AK2: variants seen among roughly 807,000 people sequenced by gnomAD.
AK2 encodes the protein adenylate kinase 2, mitochondrial.
AK2 carries 15 observed loss-of-function variants against 24.6 expected under a neutral mutation model. The ratio of observed to expected loss-of-function variants is 0.61; its 90% CI spans 0.41 to 0.94. The LOEUF (loss-of-function observed/expected upper bound fraction) is 0.94, where lower values mean the gene tolerates loss of function less well. Ranked by LOEUF, AK2 falls within the 40% of genes least tolerant of loss-of-function variation. AK2 has a pLI of 0.00. For missense variants in AK2, 257 were observed against 304.1 expected (o/e 0.85, Z 1.15); for synonymous variants, 102 against 114.0 (o/e 0.90, Z 0.67).
Position 33,013,394 on chromosome 1 carries a change from C to A in AK2, c.507G>T (p.Gly169=), listed in dbSNP as rs765421792. 9.3e-6 allele frequency: 15 copies of A among 1,613,620 alleles called. No individual in the cohort carries two copies. The highest frequency in any genetic ancestry group is 1.2e-5 in the Non-Finnish European group (14 of 1,179,848). The change falls in exon 6 of 6, where the codon GGG becomes GGT. Residue 169 remains glycine (G), a synonymous_variant. Transcript: ENST00000672715. ...CATCTGATCGACGGATCAAGGGTTC[C>A]CCGGTGATCTGAGAACAGGAAGACA... ...PKEPMKDDIT[G]EPLIRRSDDN...
chr1:33,012,237 G>A lies in AK2; in HGVS notation c.*944C>T, dbSNP rs1638867256. 3.3e-6 allele frequency: 5 copies of A among 1,534,504 alleles called. No homozygotes were observed. The highest frequency in any genetic ancestry group is 1.7e-4 in the Middle Eastern group (1 of 5,974). On this transcript the variant is annotated 3_prime_UTR_variant, in exon 6 of 6. Transcript: ENST00000672715. Reference sequence around the variant, plus strand: ...AAATAATTGCTATTTTCAGCATCATGATGCAGATCACAAAAATATTCCAAT... The same window carrying A: ...AAATAATTGCTATTTTCAGCATCATAATGCAGATCACAAAAATATTCCAAT...
intron 4 of AK2, chr1:33,019,884 C>T: frequency 7.5e-7 from 1 of 1,338,620 alleles, no homozygotes; most frequent in Non-Finnish European, 9.6e-7. Context: ...TATTACACAG[C>T]AATTAAAAGT....
intron 1 of AK2, chr1:33,029,225 T>A (rs1454332861): frequency 6.6e-6 from 1 of 152,124 alleles, no homozygotes; most frequent in Non-Finnish European, 1.5e-5. Flanking sequence ...TCTTCTTATG[T>A]TTTTTTAGAA....
intron 4 of AK2, chr1:33,019,544 T>G (rs113423721): frequency 2.2e-6 from 2 of 898,566 alleles, no homozygotes; most frequent in Non-Finnish European, 2.7e-6. Context: ...GCCGGAGACA[T>G]GTAACCTGGA....
intron 1 of AK2, among the ~76,000 whole-genome samples, chr1:33,030,462 G>A (rs1035436122): frequency 6.6e-6 from 1 of 152,098 alleles, no homozygotes; most frequent in Non-Finnish European, 1.5e-5. Flanking sequence ...GCTGAGGTGG[G>A]AGGACCATTT....
In AK2 at chr1:33,009,534, C is replaced by G; in HGVS notation, c.*3647G>C. 1 of 454,102 alleles carries G rather than the reference C, an allele frequency of 2.2e-6. No individual in the cohort carries two copies. Among genetic ancestry groups the G allele is most frequent in the Non-Finnish European group, 4.4e-6 (1 of 226,778 alleles). The allele number at this position is 454,102 out of a possible 1,614,324, so 28.1% of individuals were successfully genotyped here. On this transcript the variant is annotated 3_prime_UTR_variant, in exon 6 of 6. Transcript: ENST00000672715. ...ACATTTATCCAATGTCTGTTGCATG[C>G]CAGGTACTGAGCAAAAACCTTCTTC...
Position 33,012,134 on chromosome 1 carries a change from G to A in AK2, c.*1047C>T. The A allele has an allele frequency of 1.3e-6, 2 of 1,535,470 alleles. No individual in the cohort carries two copies. Among genetic ancestry groups the A allele is most frequent in the Non-Finnish European group, 1.7e-6 (2 of 1,146,734 alleles). ...CTCAGATGATCAGCCTGGATGTTCA[G>A]AAGACAATCTGAATTCAAAAGGACC... On this transcript the variant is annotated 3_prime_UTR_variant, in exon 6 of 6. Coordinates refer to ENST00000672715, the MANE Select transcript of AK2 (RefSeq NM_001625.4).
rs1355894971 is a variant in AK2, at chr1:33,008,264, G to T, written c.*4917C>A. 1 of 453,992 alleles carries T rather than the reference G, an allele frequency of 2.2e-6. No individual in the cohort carries two copies. The highest frequency in any genetic ancestry group is 4.4e-6 in the Non-Finnish European group (1 of 226,736). The allele number at this position is 453,992 out of a possible 1,614,324, so 28.1% of individuals were successfully genotyped here. A position where few individuals can be genotyped will look rare whatever the true frequency, so the allele number is the denominator to read the frequency against. On this transcript the variant is annotated 3_prime_UTR_variant, in exon 6 of 6. Transcript: ENST00000672715. ...GGGTAGGGATCATTCCTATTCTACT[G>T]ATGAGGTGAGATAACTTGTCCAAGG...
chr1:33,025,895 A>C (rs1188066644), intron 1 of AK2, among the ~76,000 whole-genome samples: 1 of 152,230 alleles, frequency 6.6e-6, no homozygotes, highest in East Asian at 1.9e-4. Flanking sequence ...GAAAACATTT[A>C]CTAATGCCTT....
At chr1:33,019,793 A>G in intron 4 of AK2, 1 of 1,097,268 alleles carries the variant, frequency 9.1e-7, no homozygotes, top group Non-Finnish European at 1.1e-6. Flanking sequence ...CCATAGTATC[A>G]TTTTAACAGT....
At chr1:33,021,570 A>C in intron 3 of AK2, 23 bp downstream of exon 3, 4 of 1,609,780 alleles carry the variant, frequency 2.5e-6, no homozygotes, top group Non-Finnish European at 3.4e-6. Context: ...ATGCAGTAGT[A>C]ATATAAAAAC....
intron 1 of AK2, 38 bp downstream of exon 1, chr1:33,036,698 C>G: frequency 6.5e-7 from 1 of 1,537,670 alleles, no homozygotes; most frequent in Non-Finnish European, 8.8e-7. Flanking sequence ...CCTTGGAGTT[C>G]AGCAGGCTCC....
rs537995857 is a variant in AK2 at position 33,012,498 on chromosome 1, T to G, written c.*683A>C. 1 of 1,368,254 alleles carries G rather than the reference T, an allele frequency of 7.3e-7. No homozygotes were observed. Among genetic ancestry groups the G allele is most frequent in the South Asian group, 1.2e-5 (1 of 81,622 alleles). The allele number at this position is 1,368,254 out of a possible 1,614,324, so 84.8% of individuals were successfully genotyped here. A position where few individuals can be genotyped will look rare whatever the true frequency, so the allele number is the denominator to read the frequency against. On this transcript the variant is annotated 3_prime_UTR_variant, in exon 6 of 6. Coordinates refer to ENST00000672715, the MANE Select transcript of AK2 (RefSeq NM_001625.4). ...TGATCCTGGACTTCTAATCAGCTGC[T>G]GGAAATGGAAGAAATACTATGAGGT... is the stretch of plus-strand genomic sequence containing the variant.
Position 33,012,272 on chromosome 1 carries a change from C to A in AK2, c.*909G>T, listed in dbSNP as rs1029821113. 6.1e-5 allele frequency: 94 copies of A among 1,534,536 alleles called. No individual in the cohort carries two copies. Among genetic ancestry groups the A allele is most frequent in the Non-Finnish European group, 7.7e-5 (88 of 1,146,562 alleles). On this transcript the variant is annotated 3_prime_UTR_variant, in exon 6 of 6. Transcript: ENST00000672715. ...ACAAAAATATTCCAATTTGGCCTGG[C>A]TCTTTTTATGACGATATCCTCTCCC...
Position 33,036,763 on chromosome 1 carries a change from C to T in AK2, c.66G>A (p.Gly22=), listed in dbSNP as rs777773553. The T allele has an allele frequency of 1.9e-6, 3 of 1,595,418 alleles. No individual in the cohort carries two copies. Among genetic ancestry groups the T allele is most frequent in the Non-Finnish European group, 2.6e-6 (3 of 1,170,504 alleles). ...YPKGIRAVLL[G]PPGAGKGTQA... is the part of the protein sequence containing the mutation. The stretch of plus-strand genomic sequence containing the variant: ...GGGTCCCTTTACCGGCCCCGGGAGG[C>T]CCCAGCAGCACGGCCCGGATGCCTT... Residue 22 remains glycine, a synonymous_variant, in exon 1 of 6, where the codon GGG becomes GGA. Coordinates refer to ENST00000672715, the MANE Select transcript of AK2 (RefSeq NM_001625.4).
intron 4 of AK2, among the ~76,000 whole-genome samples, chr1:33,018,477 T>C (rs1259632652): frequency 1.3e-5 from 2 of 152,140 alleles, no homozygotes; most frequent in African/African-American, 4.8e-5. Context: ...CATATTAAAC[T>C]GACTGGTTCC....
Position 33,008,631 on chromosome 1 carries a change from C to T in AK2, c.*4550G>A, listed in dbSNP as rs909578170. ...AGAGACTGTGTTTCAGTCCTGACTG[C>T]CTCTTATGCATGACCTCAGGAATGC... On this transcript the variant is annotated 3_prime_UTR_variant, in exon 6 of 6. Transcript: ENST00000672715. The T allele has an allele frequency of 2.2e-6, 1 of 454,076 alleles. No individual in the cohort carries two copies. The highest frequency in any genetic ancestry group is 2.3e-5 in the Admixed American group (1 of 42,572). 28.1% of individuals were successfully genotyped at this position (454,076 alleles called of 1,614,324 possible).
At position 33,024,456 on chromosome 1, in the gene AK2, C is replaced by G; in HGVS notation, c.205G>C (p.Asp69His). The change falls in exon 2 of 6, where the codon GAT (aspartate) becomes CAT (histidine). Residue 69 changes from aspartate (D) to histidine (H), a missense_variant. Transcript: ENST00000672715. ...ELGKKLKATM[D>H]AGKLVSDEMV... ...ACCAAACCTACCAGTTTCCCAGCAT[C>G]CATAGTTGCCTTCAGCTTTTTTCCT... 6.2e-7 allele frequency: 1 copy of G among 1,614,160 alleles called. No individual in the cohort carries two copies. The highest frequency in any genetic ancestry group is 8.5e-7 in the Non-Finnish European group (1 of 1,180,026).
At chr1:33,029,802 C>T (rs1355603914) in intron 1 of AK2, among the ~76,000 whole-genome samples, 2 of 152,200 alleles carry the variant, frequency 1.3e-5, no homozygotes, top group Non-Finnish European at 1.5e-5. Context: ...CCACAGCTTC[C>T]GGAGTAGTTG....
Sources: allele counts gnomAD v4.1 joint callset (sites outside exome capture counted in the v4.1 genomes callset), GRCh38; gene constraint gnomAD v4.1.1; transcripts MANE v1.5; gene names NCBI Gene and HGNC (gene_info 2026-07-23, HGNC 2026-07-21).